The following NRXN2 variants were observed in gnomAD, a reference collection of about 807,000 sequenced individuals.
NRXN2 encodes neurexin-2-beta.
Under a neutral mutation model 128.8 loss-of-function variants are expected in NRXN2, and 29 were observed. That is an observed-to-expected ratio of 0.23 (90% CI 0.17 to 0.31). The LOEUF is 0.31. Ranked by LOEUF, NRXN2 falls within the 10% of genes least tolerant of loss-of-function variation. The probability of loss-of-function intolerance (pLI) is 1.00; values close to 1 mark genes in which losing one functional copy is unlikely to be tolerated. For missense variants in NRXN2, 1,881 were observed against 2,452.6 expected (o/e 0.77, Z 4.92); for synonymous variants, 1,098 against 1,075.2 (o/e 1.02, Z -0.41).
intron 1 of NRXN2, among the ~76,000 whole-genome samples, chr11:64,715,658 T>C (rs2057282432): frequency 6.6e-6 from 1 of 152,016 alleles, no homozygotes; most frequent in Non-Finnish European, 1.5e-5. Flanking sequence ...GGTCCTGCCA[T>C]CCAGCTCCTG....
intron 2 of NRXN2, among the ~76,000 whole-genome samples, chr11:64,704,623 C>CACACAGAGAGAGAGAGAG (rs1336665936): frequency 4.9e-5 from 4 of 81,204 alleles, no homozygotes; most frequent in African/African-American, 9.4e-5. Flanking sequence ...CACACACACA[C>CACACAGAGAGAGAGAGAG]AGAGAGAGAG....
intron 17 of NRXN2, chr11:64,646,423 C>T (rs1003123002): frequency 1.3e-5 from 2 of 152,374 alleles, no homozygotes; most frequent in Non-Finnish European, 1.5e-5. Flanking sequence ...AGCAGCGCTT[C>T]GTGATCCTGA....
rs772818356 is a variant in NRXN2 at position 64,667,258 on chromosome 11, C to T, written c.1790G>A (p.Gly597Glu). 6.2e-7 allele frequency: 1 copy of T among 1,614,196 alleles called. No individual in the cohort carries two copies. The highest frequency in any genetic ancestry group is 1.1e-5 in the South Asian group (1 of 91,084). Residue 597 changes from glycine to glutamate, a missense_variant, in exon 9 of 23, where the codon GGG becomes GAG. Around this residue, in one of 7 missense-constraint regions of NRXN2, gnomAD observed 997 missense variants for 1,240.8 expected, o/e 0.80. Transcript: ENST00000265459. The surrounding 1 kb of genome is among the most constrained non-coding windows in gnomAD (Gnocchi z 5.6). ...TCCAGAGGCCTCCTGACCTTTTCGC[C>T]CATCCCTCTGGAAGTCCACGTGACA... is the stretch of plus-strand genomic sequence containing the variant. ...EWCHVDFQRDGRKGSISVNSR... is the reference protein window; with the variant it reads ...EWCHVDFQRDERKGSISVNSR...
chr11:64,643,772 G>GAC (rs2046198071), intron 17 of NRXN2, among the ~76,000 whole-genome samples: 1 of 151,778 alleles, frequency 6.6e-6, no homozygotes, highest in African/African-American at 2.4e-5. Context: ...CCCGCGCCTG[G>GAC]ACGCGCGCGC....
chr11:64,656,636 C>A (rs1168577794), intron 11 of NRXN2, among the ~76,000 whole-genome samples: 2 of 152,114 alleles, frequency 1.3e-5, no homozygotes, highest in Admixed American at 6.5e-5. Context: ...GCTGGGACCC[C>A]AGGGGCACAC....
intron 22 of NRXN2, among the ~76,000 whole-genome samples, chr11:64,615,858 G>A (rs200500379): frequency 1.9e-5 from 2 of 104,132 alleles, no homozygotes; most frequent in African/African-American, 6.4e-5. Context: ...GTGTGTGTGT[G>A]TGTGTGTGTG....
In NRXN2 at chr11:64,651,221, C is replaced by A. The variant is rs1438900959; in HGVS notation, c.2918+34G>T. On this transcript the variant is annotated intron_variant, in intron 14 of 22. Transcript: ENST00000265459. The surrounding 1 kb of genome is among the most constrained non-coding windows in gnomAD (Gnocchi z 5.9). The stretch of plus-strand genomic sequence containing the variant: ...TGGTTCAGCAGGGGGAGGGGGCCAC[C>A]TCCTTGACAGCAGTGCAATCCCCAG... The A allele has an allele frequency of 1.9e-6, 3 of 1,613,200 alleles. No homozygotes were observed. The highest frequency in any genetic ancestry group is 3.3e-5 in the Admixed American group (2 of 60,010).
chr11:64,650,401 G>A, intron 15 of NRXN2, 47 bp downstream of exon 15: 17 of 1,596,806 alleles, frequency 1.1e-5, no homozygotes, highest in Non-Finnish European at 1.4e-5. Context: ...CTGGGGTGAG[G>A]GGTATCTGGG....
rs2043869604 is a variant in NRXN2, at chr11:64,631,292, G to A, written c.3586-719C>T. Among the ~76,000 whole-genome samples the A allele has an allele frequency of 6.6e-6, 1 of 152,034 alleles. No homozygotes were observed. The highest frequency in any genetic ancestry group is 1.5e-5 in the Non-Finnish European group (1 of 67,988). On this transcript the variant is annotated intron_variant, in intron 18 of 22. Transcript: ENST00000265459. The surrounding 1 kb of genome is among the most constrained non-coding windows in gnomAD (Gnocchi z 4.8). Reference sequence around the variant, plus strand: ...AAGAAAGGGGATCGTGGGGGTTTCGGGGTAGGGGGTGGAGCTAGGGGCTGG... The same window carrying A: ...AAGAAAGGGGATCGTGGGGGTTTCGAGGTAGGGGGTGGAGCTAGGGGCTGG...
intron 2 of NRXN2, among the ~76,000 whole-genome samples, chr11:64,707,188 C>T (rs1282185611): frequency 1.3e-5 from 2 of 151,926 alleles, no homozygotes; most frequent in Admixed American, 6.6e-5. Flanking sequence ...GTCAGGAGAT[C>T]GAGACCATCC....
intron 1 of NRXN2, among the ~76,000 whole-genome samples, chr11:64,720,953 G>A (rs139542711): frequency 1.3e-5 from 2 of 152,254 alleles, no homozygotes; most frequent in Non-Finnish European, 2.9e-5. Flanking sequence ...GGGGCTGTGT[G>A]CATCCAAGGG....
chr11:64,717,307 T>C (rs1055602267), intron 1 of NRXN2, among the ~76,000 whole-genome samples: 1 of 152,166 alleles, frequency 6.6e-6, no homozygotes, highest in Non-Finnish European at 1.5e-5. Flanking sequence ...GGTACCTGTC[T>C]GCTCACTGAC....
Position 64,623,125 on chromosome 11 carries a change from G to T in NRXN2, c.3848-47C>A. The T allele has an allele frequency of 6.4e-7, 1 of 1,560,084 alleles. No homozygotes were observed. The highest frequency in any genetic ancestry group is 1.7e-4 in the Middle Eastern group (1 of 5,938). ...GACAGAGAAGGGGCAGGCAGTGAGG[G>T]GAGACCAGGAAGGGAAGGAAGAAAA... On this transcript the variant is annotated intron_variant, in intron 20 of 22. Transcript: ENST00000265459. The surrounding 1 kb of genome is among the most constrained non-coding windows in gnomAD (Gnocchi z 4.9).
intron 19 of NRXN2, among the ~76,000 whole-genome samples, chr11:64,627,638 G>C (rs1446438661): frequency 6.6e-6 from 1 of 152,112 alleles, no homozygotes; most frequent in Non-Finnish European, 1.5e-5. Context: ...GACTGGGAAA[G>C]GGAATGTGTG....
rs1000170951 is a variant in NRXN2 at position 64,651,759 on chromosome 11, G to A, written c.2537-123C>T. On this transcript the variant is annotated intron_variant, in intron 13 of 22. Coordinates refer to ENST00000265459, the MANE Select transcript of NRXN2 (RefSeq NM_015080.4). The surrounding 1 kb of genome is among the most constrained non-coding windows in gnomAD (Gnocchi z 5.9). Reference sequence around the variant, plus strand: ...GAGTGACATCTTTAGAGATGTCCTCGGCTAGGCACTAGCAGCCAGCACAGC... The same window carrying A: ...GAGTGACATCTTTAGAGATGTCCTCAGCTAGGCACTAGCAGCCAGCACAGC... 44 of 1,139,444 alleles carry A rather than the reference G, an allele frequency of 3.9e-5. No homozygotes were observed. The African/African-American group carries it at 4.7e-4, about 12-fold the overall frequency. The allele number at this position is 1,139,444 out of a possible 1,614,324, so 70.6% of individuals were successfully genotyped here.
At position 64,607,616 on chromosome 11, in the gene NRXN2, G is replaced by T; in HGVS notation, c.4719C>A (p.Pro1573=). The T allele has an allele frequency of 6.5e-7, 1 of 1,535,688 alleles. No homozygotes were observed. ...GKMNHRDPLQ[P]LLENPPLGPG... ...GCCCCAAGGGCGGGTTCTCCAGCAA[G>T]GGCTGAAGCGGGTCTCGGTGGTTCA... Residue 1573 remains proline, a synonymous_variant, in exon 23 of 23, where the codon CCC becomes CCA. Transcript: ENST00000265459.
chr11:64,653,769 TAAAA>T, intron 11 of NRXN2, 47 bp from the exon 12 acceptor site: 1 of 1,393,420 alleles, frequency 7.2e-7, no homozygotes, highest in African/African-American at 1.4e-5. Context: ...GACAAAAAGG[TAAAA>T]CAAGTTTTTT....
Position 64,607,731 on chromosome 11 carries a change from C to G in NRXN2, c.4604G>C (p.Arg1535Pro). The G allele has an allele frequency of 6.4e-7, 1 of 1,567,678 alleles. No homozygotes were observed. Among genetic ancestry groups the G allele is most frequent in the Non-Finnish European group, 8.6e-7 (1 of 1,156,708 alleles). Reference sequence around the variant, plus strand: ...GGCCCCATCTGTCCTGAGGTTGGGCCGGGGAGCGGGTTTGCGGGGTGACAG... The same window carrying G: ...GGCCCCATCTGTCCTGAGGTTGGGCGGGGGAGCGGGTTTGCGGGGTGACAG... Reference protein sequence around the residue: ...TLLSPRKPAPRPNLRTDGATG... With the variant: ...TLLSPRKPAPPPNLRTDGATG... The change falls in exon 23 of 23, where the codon CGG becomes CCG. Residue 1535 changes from arginine (R) to proline (P), a missense_variant. By Grantham distance (103) the Arg-to-Pro change is moderately radical. Around this residue, in one of 7 missense-constraint regions of NRXN2, gnomAD observed 310 missense variants for 318.2 expected, o/e 0.97. Coordinates refer to ENST00000265459, the MANE Select transcript of NRXN2 (RefSeq NM_015080.4).
rs990862819 is a variant in NRXN2, at chr11:64,635,942, CTG to C, written c.3404-492_3404-491del. On this transcript the variant is annotated intron_variant, in intron 17 of 22. Coordinates refer to ENST00000265459, the MANE Select transcript of NRXN2 (RefSeq NM_015080.4). This position sits in a 1 kb window ranked among gnomAD's most constrained non-coding sequence, Gnocchi z 4.8. ...AAGATGAGCAGAGCTGTGTGCAGCT[CTG>C]ACTCACGGCCAGAGCTGGCGCCCTC... 2.6e-4 allele frequency among the ~76,000 whole-genome samples: 39 copies of C among 152,224 alleles called. No individual in the cohort carries two copies. The highest frequency in any genetic ancestry group is 8.9e-4 in the African/African-American group (37 of 41,522).
Sources: gnomAD v4.1 joint callset for allele counts (sites outside exome capture counted in the v4.1 genomes callset) on GRCh38, gnomAD v4.1.1 for gene constraint, gnomAD v4.1.1 regional missense constraint, Gnocchi (gnomAD v3.1) non-coding constraint, MANE v1.5 for transcripts, NCBI Gene and HGNC (gene_info 2026-07-23, HGNC 2026-07-21) for gene names.